Variants in DDR2 observed in about 807,000 individuals in gnomAD.
DDR2 encodes discoidin domain receptor tyrosine kinase 2.
DDR2 carries 27 observed loss-of-function variants against 94.9 expected under a neutral mutation model. The ratio of observed to expected loss-of-function variants is 0.28; its 90% CI spans 0.21 to 0.39. The LOEUF is 0.39. Ranked by LOEUF, DDR2 falls within the 10% of genes least tolerant of loss-of-function variation. The pLI, the probability that DDR2 is intolerant of heterozygous loss-of-function variation, is 1.00. For missense variants in DDR2, 783 were observed against 1,076.0 expected, an observed-to-expected ratio of 0.73 and a Z score of 3.81; for synonymous variants, 382 against 377.2, an observed-to-expected ratio of 1.01 and a Z score of -0.15.
At chr1:162,654,679 G>A (rs1004270024) in intron 1 of DDR2, among the ~76,000 whole-genome samples, 1 of 152,100 alleles carries the variant, frequency 6.6e-6, no homozygotes, top group Non-Finnish European at 1.5e-5. Context: ...CCTTTCAGGA[G>A]ATCCATAGAT....
intron 1 of DDR2, among the ~76,000 whole-genome samples, chr1:162,633,183 A>G (rs374641949): frequency 1.4e-4 from 21 of 152,176 alleles, no homozygotes; most frequent in Admixed American, 1.1e-3. Context: ...GGTGCATGGA[A>G]GATTTTTCAG....
chr1:162,779,130 TG>T (rs1377488323), intron 17 of DDR2, among the ~76,000 whole-genome samples: 1 of 152,204 alleles, frequency 6.6e-6, no homozygotes, highest in Non-Finnish European at 1.5e-5. Context: ...GAAATGGGGT[TG>T]GTTTTGACTA....
At chr1:162,653,118 G>A (rs61810414) in intron 1 of DDR2, among the ~76,000 whole-genome samples, 1 of 2,656 alleles carries the variant, frequency 3.8e-4, no homozygotes, top group Admixed American at 0.023. Flanking sequence ...AAACAAACAA[G>A]CAAACAAACA....
intron 1 of DDR2, among the ~76,000 whole-genome samples, chr1:162,641,287 C>T (rs1489340402): frequency 9.9e-5 from 15 of 152,186 alleles, no homozygotes; most frequent in Admixed American, 9.8e-4. Context: ...CCCACATCCC[C>T]ATATTCACTT....
At chr1:162,725,667 A>G (rs1323605354) in intron 3 of DDR2, among the ~76,000 whole-genome samples, 2 of 152,180 alleles carry the variant, frequency 1.3e-5, no homozygotes, top group African/African-American at 2.4e-5. Context: ...GGCCACAAGC[A>G]TGCTCTTGAC....
At chr1:162,758,604 C>T (rs961527736) in intron 7 of DDR2, among the ~76,000 whole-genome samples, 2 of 152,126 alleles carry the variant, frequency 1.3e-5, no homozygotes, top group African/African-American at 4.8e-5. Context: ...AAAAAGATGG[C>T]AAAACCTTGG....
At chr1:162,766,835 C>T (rs895005252) in intron 10 of DDR2, among the ~76,000 whole-genome samples, 1 of 151,930 alleles carries the variant, frequency 6.6e-6, no homozygotes, top group East Asian at 1.9e-4. Flanking sequence ...AGTTCGAGAC[C>T]AGACTGGCCA....
chr1:162,751,834 C>A (rs1663217630), intron 3 of DDR2, among the ~76,000 whole-genome samples: 2 of 152,192 alleles, frequency 1.3e-5, no homozygotes, highest in African/African-American at 4.8e-5. Context: ...AGGATGAGTT[C>A]TTGTCCTTTG....
At chr1:162,686,691 C>T (rs1416303869) in intron 2 of DDR2, among the ~76,000 whole-genome samples, 2 of 152,052 alleles carry the variant, frequency 1.3e-5, no homozygotes, top group Admixed American at 1.3e-4. Flanking sequence ...TGTGCATGTG[C>T]CTTTATAGTA....
At chr1:162,636,907 A>G (rs539560165) in intron 1 of DDR2, among the ~76,000 whole-genome samples, 34 of 152,294 alleles carry the variant, frequency 2.2e-4, no homozygotes, top group African/African-American at 8.2e-4. Context: ...CCAAAAAAAC[A>G]TGAAACAATA....
At chr1:162,731,410 A>T (rs1038430323) in intron 3 of DDR2, among the ~76,000 whole-genome samples, 1 of 152,000 alleles carries the variant, frequency 6.6e-6, no homozygotes, top group Non-Finnish European at 1.5e-5. Flanking sequence ...TTATTTATTT[A>T]TTTTTATCTT....
At chr1:162,679,563 T>C (rs940956473) in intron 2 of DDR2, among the ~76,000 whole-genome samples, 2 of 152,216 alleles carry the variant, frequency 1.3e-5, no homozygotes, top group African/African-American at 4.8e-5. Context: ...TAATGGGCAT[T>C]TAGTTTGATT....
At chr1:162,648,842 A>G (rs1414346713) in intron 1 of DDR2, among the ~76,000 whole-genome samples, 1 of 152,208 alleles carries the variant, frequency 6.6e-6, no homozygotes, top group Non-Finnish European at 1.5e-5. Context: ...TTTTCCCACC[A>G]GAACCCTTAG....
intron 1 of DDR2, among the ~76,000 whole-genome samples, chr1:162,646,783 C>T (rs1657431297): frequency 6.6e-6 from 1 of 152,186 alleles, no homozygotes; most frequent in South Asian, 2.1e-4. Context: ...CCAGATGCCA[C>T]TCCGAATTTA....
intron 1 of DDR2, among the ~76,000 whole-genome samples, chr1:162,643,712 C>A: frequency 6.6e-6 from 1 of 152,184 alleles, no homozygotes; most frequent in East Asian, 1.9e-4. Flanking sequence ...AACTCCTGAC[C>A]TCAGGTGATC....
In DDR2 at chr1:162,702,485, G is replaced by A. The variant is rs145974651; in HGVS notation, c.-27-16552G>A. Among the ~76,000 whole-genome samples, 67 of 152,266 alleles carry A rather than the reference G, an allele frequency of 4.4e-4. No individual in the cohort carries two copies. In the East Asian group the frequency reaches 0.011, roughly 25 times the overall value. On this transcript the variant is annotated intron_variant, in intron 2 of 17. Coordinates refer to ENST00000367921, the MANE Select transcript of DDR2 (RefSeq NM_006182.4). The stretch of plus-strand genomic sequence containing the variant: ...CCTACCCAACTAGATTCATGTGTGC[G>A]ACTCTGAGTATAGGTCATTCATCGA...
chr1:162,674,280 C>T (rs1466101612), intron 2 of DDR2, among the ~76,000 whole-genome samples: 2 of 152,160 alleles, frequency 1.3e-5, no homozygotes, highest in African/African-American at 4.8e-5. Flanking sequence ...TATCTTCAAT[C>T]TGTCTGTTTC....
chr1:162,716,545 T>A (rs749853666), intron 2 of DDR2, among the ~76,000 whole-genome samples: 5 of 152,198 alleles, frequency 3.3e-5, no homozygotes, highest in African/African-American at 4.8e-5. Context: ...CTGAGACATG[T>A]ATTTTATCTT....
In DDR2 at chr1:162,766,059, C is replaced by T. The variant is rs781486678; in HGVS notation, c.1158C>T (p.Thr386=). Residue 386 remains threonine (T), a synonymous_variant, in exon 10 of 18, where the codon ACC becomes ACT. Transcript: ENST00000367921. ...ALPTSPMAPT[T]YDPMLKVDDS... ...CCACCTCTCCTATGGCACCCACAAC[C>T]TATGGTATATGTGATTCCTAATTAC... 2.2e-5 allele frequency: 35 copies of T among 1,613,838 alleles called. No individual in the cohort carries two copies. In the African/African-American group the frequency reaches 3.5e-4, roughly 16 times the overall value.
Sources: gnomAD v4.1 joint callset for allele counts (sites outside exome capture counted in the v4.1 genomes callset) on GRCh38, gnomAD v4.1.1 for gene constraint, MANE v1.5 for transcripts, NCBI Gene and HGNC (gene_info 2026-07-23, HGNC 2026-07-21) for gene names.